The following ATG10 variants were observed in gnomAD, a reference collection of about 807,000 sequenced individuals.
The protein encoded by ATG10 is ubiquitin-like-conjugating enzyme ATG10.
ATG10 carries 30 observed loss-of-function variants against 32.1 expected under a neutral mutation model. That is an observed-to-expected ratio of 0.94 (90% CI 0.70 to 1.27). ATG10 has a LOEUF of 1.27. Among genes scored for constraint, ATG10 ranks in the 50% most tolerant of loss-of-function variants. ATG10 has a pLI of 0.00. For missense variants in ATG10, 233 were observed against 262.3 expected (o/e 0.89, Z 0.77); for synonymous variants, 87 against 91.5 (o/e 0.95, Z 0.28).
chr5:82,098,804 A>G lies in ATG10; in HGVS notation c.216+40202A>G, dbSNP rs571793589. Among the ~76,000 whole-genome samples, 3 of 152,324 alleles carry G rather than the reference A, an allele frequency of 2.0e-5. No homozygotes were observed. In the South Asian group the frequency reaches 6.2e-4, roughly 32 times the overall value. On this transcript the variant is annotated intron_variant, in intron 3 of 7. Transcript: ENST00000282185. Reference sequence around the variant, plus strand: ...TGAGTTCACAAGTGCTGCTGAATAGATAGTTCTTTAAGTGATCCACAACAA... The same window carrying G: ...TGAGTTCACAAGTGCTGCTGAATAGGTAGTTCTTTAAGTGATCCACAACAA...
intron 3 of ATG10, among the ~76,000 whole-genome samples, chr5:82,104,404 A>G (rs906482194): frequency 2.0e-5 from 3 of 152,134 alleles, no homozygotes; most frequent in African/African-American, 7.2e-5. Flanking sequence ...TTGAAAATTA[A>G]CTGTCAGTTT....
rs1050561607 is a variant in ATG10 at position 82,254,965 on chromosome 5, C to T, written c.*902C>T. The stretch of plus-strand genomic sequence containing the variant: ...AGATAGTTGTAAAACAAAGAAAAAA[C>T]ACAATATTTTACTGTGAGATAATAT... On this transcript the variant is annotated 3_prime_UTR_variant, in exon 8 of 8. Transcript: ENST00000282185. 1 of 151,300 alleles carries T rather than the reference C, an allele frequency of 6.6e-6. No homozygotes were observed. The allele number at this position is 151,300 out of a possible 1,614,324, so 9.4% of individuals were successfully genotyped here.
chr5:82,027,785 A>G (rs550967442), intron 2 of ATG10, among the ~76,000 whole-genome samples: 2 of 152,370 alleles, frequency 1.3e-5, no homozygotes, highest in East Asian at 1.9e-4. Flanking sequence ...TGAAATGACA[A>G]TCGTCTCAAA....
At chr5:82,011,229 C>T (rs1277535685) in intron 2 of ATG10, among the ~76,000 whole-genome samples, 1 of 152,102 alleles carries the variant, frequency 6.6e-6, no homozygotes, top group East Asian at 1.9e-4. Flanking sequence ...CTCCACCAAC[C>T]TCCGACTCAG....
At chr5:82,063,494 ATTTTTTT>A (rs143081537) in intron 3 of ATG10, among the ~76,000 whole-genome samples, 5 of 143,694 alleles carry the variant, frequency 3.5e-5, no homozygotes, top group African/African-American at 7.7e-5. Context: ...ACTGCTAACA[ATTTTTTT>A]TTTTTTTTTG....
Position 82,000,858 on chromosome 5 carries a change from T to C in ATG10, c.108+13180T>C, listed in dbSNP as rs555809765. Among the ~76,000 whole-genome samples the C allele has an allele frequency of 2.6e-5, 4 of 152,300 alleles. No individual in the cohort carries two copies. In the South Asian group the frequency reaches 6.2e-4, roughly 24 times the overall value. ...TTTCAGTAGAGATGGGGTTTCACCA[T>C]GTTGGCTACCCTGGTCTTGAACTCG... On this transcript the variant is annotated intron_variant, in intron 2 of 7. Transcript: ENST00000282185.
At chr5:82,039,260 G>A (rs1217816560) in intron 2 of ATG10, among the ~76,000 whole-genome samples, 1 of 152,194 alleles carries the variant, frequency 6.6e-6, no homozygotes, top group Non-Finnish European at 1.5e-5. Flanking sequence ...ACATAGATTA[G>A]CAATATCATT....
At chr5:82,209,575 A>G (rs1745421715) in intron 5 of ATG10, among the ~76,000 whole-genome samples, 2 of 152,156 alleles carry the variant, frequency 1.3e-5, no homozygotes, top group Admixed American at 1.3e-4. Flanking sequence ...AGTGTAAGAA[A>G]CAAATGTCTG....
At chr5:82,058,437 T>C in intron 2 of ATG10, 58 bp from the exon 3 acceptor site, 1 of 1,265,090 alleles carries the variant, frequency 7.9e-7, no homozygotes, top group Middle Eastern at 1.9e-4. Context: ...GTTCTTAAAA[T>C]GATGAATTCT....
intron 1 of ATG10, chr5:81,972,690 A>G (rs893564429): frequency 2.6e-5 from 4 of 152,220 alleles, no homozygotes; most frequent in Non-Finnish European, 4.4e-5. Flanking sequence ...GCTGAGTCCA[A>G]CTTAATTTGA....
At chr5:82,140,710 C>A (rs1036532099) in intron 3 of ATG10, among the ~76,000 whole-genome samples, 1 of 34,184 alleles carries the variant, frequency 2.9e-5, no homozygotes, top group Non-Finnish European at 6.2e-5. Context: ...GCCACCACCC[C>A]GTCTGGGAGG....
intron 2 of ATG10, among the ~76,000 whole-genome samples, chr5:82,012,872 G>A (rs959752923): frequency 1.3e-5 from 2 of 151,886 alleles, no homozygotes; most frequent in African/African-American, 4.8e-5. Flanking sequence ...TGGCCAAGCT[G>A]GTCTTGAACT....
intron 3 of ATG10, among the ~76,000 whole-genome samples, chr5:82,127,462 C>G (rs939765094): frequency 3.9e-5 from 6 of 152,100 alleles, no homozygotes; most frequent in African/African-American, 1.4e-4. Context: ...AGTTGTGTCC[C>G]AGAGATTCTG....
Position 82,254,899 on chromosome 5 carries a change from A to AGTTTGT in ATG10, c.*838_*839insTTGTGT, listed in dbSNP as rs1747405923. The stretch of plus-strand genomic sequence containing the variant: ...AAAAGAGAGAGAGAGAGTGAGTGTG[A>AGTTTGT]GTGTGTGTGTGTGTGTGTGTGTATG... On this transcript the variant is annotated 3_prime_UTR_variant, in exon 8 of 8. Transcript: ENST00000282185. 6.7e-6 allele frequency: 1 copy of AGTTTGT among 149,644 alleles called. No homozygotes were observed. Among genetic ancestry groups the AGTTTGT allele is most frequent in the South Asian group, 2.1e-4 (1 of 4,668 alleles). 9.3% of individuals were successfully genotyped at this position (149,644 alleles called of 1,614,324 possible).
chr5:82,202,076 G>T (rs1039805859), intron 5 of ATG10, among the ~76,000 whole-genome samples: 4 of 152,086 alleles, frequency 2.6e-5, no homozygotes, highest in Non-Finnish European at 1.5e-5. Context: ...AGACAGTTTT[G>T]CTTCTTCCTT....
At chr5:82,014,635 G>A (rs557077329) in intron 2 of ATG10, among the ~76,000 whole-genome samples, 1 of 152,024 alleles carries the variant, frequency 6.6e-6, no homozygotes, top group Non-Finnish European at 1.5e-5. Flanking sequence ...TGTTTTATCC[G>A]AGACTAGGAT....
At chr5:82,200,864 ATTATTTATTTATTTATTTAT>A (rs34770803) in intron 5 of ATG10, among the ~76,000 whole-genome samples, 7 of 143,154 alleles carry the variant, frequency 4.9e-5, no homozygotes, top group Admixed American at 4.2e-4. Context: ...TTAAAAATAC[ATTATTTATTTATTTATTTAT>A]TTATTTATTT....
chr5:82,139,322 G>T, intron 3 of ATG10, among the ~76,000 whole-genome samples: 1 of 150,282 alleles, frequency 6.7e-6, no homozygotes, highest in East Asian at 2.0e-4. Flanking sequence ...GATGTGAGGA[G>T]CCCCTCTGCC....
chr5:82,087,453 G>C (rs1764730937), intron 3 of ATG10, among the ~76,000 whole-genome samples: 1 of 152,122 alleles, frequency 6.6e-6, no homozygotes, highest in Admixed American at 6.6e-5. Flanking sequence ...ATGGCTAGAT[G>C]GTGGAGAGCT....
Sources: gnomAD v4.1 joint callset for allele counts (sites outside exome capture counted in the v4.1 genomes callset) on GRCh38, gnomAD v4.1.1 for gene constraint, MANE v1.5 for transcripts, NCBI Gene and HGNC (gene_info 2026-07-23, HGNC 2026-07-21) for gene names.